KIF20A: variants seen among roughly 807,000 people sequenced by gnomAD.
KIF20A encodes kinesin-like protein KIF20A.
A neutral mutation model predicts 113.0 loss-of-function variants in KIF20A; 66 were observed. The observed-to-expected ratio is 0.58, with a 90% CI of 0.48 to 0.72. The LOEUF is 0.72. Among genes scored for constraint, KIF20A ranks in the 30% least tolerant of loss-of-function variants. KIF20A has a pLI of 0.00. For missense variants in KIF20A, 927 were observed against 1,077.6 expected (o/e 0.86, Z 1.96); for synonymous variants, 376 against 402.3 (o/e 0.93, Z 0.78).
At position 138,182,884 on chromosome 5, in the gene KIF20A, G is replaced by C. The variant is rs768806257; in HGVS notation, c.726G>C (p.Lys242Asn). 9.9e-6 allele frequency: 16 copies of C among 1,614,110 alleles called. No individual in the cohort carries two copies. Among genetic ancestry groups the C allele is most frequent in the Admixed American group, 3.3e-5 (2 of 60,010 alleles). Residue 242 changes from lysine to asparagine, a missense_variant, in exon 7 of 19, where the codon AAG becomes AAC. Lys to Asn is a moderately conservative substitution (Grantham distance 94, BLOSUM62 0). Transcript: ENST00000394894. ...LQEEELSTSL[K>N]RSVYIESRIG... ...AGGAGGAGCTGTCCACTTCCTTGAA[G>C]AGGAGTGTCTACATCGAAAGTCGGA...
chr5:138,185,591 G>A lies in KIF20A; in HGVS notation c.2006G>A (p.Gly669Glu). 6.2e-7 allele frequency: 1 copy of A among 1,614,162 alleles called. No homozygotes were observed. Among genetic ancestry groups the A allele is most frequent in the Non-Finnish European group, 8.5e-7 (1 of 1,180,034 alleles). ...CAGTCAGTGGCCCATCAGCAATCAG[G>A]GTCTGAATTGGCCCTACGGCGGTCA... is the stretch of plus-strand genomic sequence containing the variant. ...RQQSVAHQQS[G>E]SELALRRSQR... Residue 669 changes from glycine to glutamate, a missense_variant, in exon 16 of 19, where the codon GGG (glycine) becomes GAG (glutamate). Physicochemically the swap from Gly to Glu is moderately conservative, Grantham distance 98. Transcript: ENST00000394894.
intron 17 of KIF20A, 114 bp from the exon 18 acceptor site, chr5:138,186,180 C>T (rs1754742113): frequency 1.3e-6 from 2 of 1,496,564 alleles, no homozygotes; most frequent in East Asian, 4.5e-5. Context: ...GGCTATTTCA[C>T]TCAGCTGACT....
At position 138,185,189 on chromosome 5, in the gene KIF20A, G is replaced by A. The variant is rs1443441048; in HGVS notation, c.1918G>A (p.Glu640Lys). ...KESLTSFYQE[E>K]IQERDEKIEE... ...GTCACTGACAAGTTTTTACCAAGAA[G>A]AGATTCAGGTGAGTTGCCCTGAGCC... is the stretch of plus-strand genomic sequence containing the variant. Residue 640 changes from glutamate to lysine, a missense_variant, in exon 15 of 19, where the codon GAG becomes AAG. Transcript: ENST00000394894. 1.2e-6 allele frequency: 2 copies of A among 1,611,016 alleles called. No homozygotes were observed. Among genetic ancestry groups the A allele is most frequent in the African/African-American group, 1.3e-5 (1 of 74,858 alleles).
intron 14 of KIF20A, 52 bp downstream of exon 14, chr5:138,184,998 A>G: frequency 6.2e-7 from 1 of 1,606,926 alleles, no homozygotes; most frequent in Non-Finnish European, 8.5e-7. Flanking sequence ...GAGGGTGGGA[A>G]GTAAGGAGTT....
Position 138,184,662 on chromosome 5 carries a change from A to G in KIF20A, c.1669A>G (p.Met557Val). The G allele has an allele frequency of 6.2e-7, 1 of 1,614,122 alleles. No homozygotes were observed. ...TATTGAAAATGAAGCTGACATCTCC[A>G]TGTATGGCAAAGAGGTGAGAATACA... ...DDIENEADIS[M>V]YGKEELLQVV... Residue 557 changes from methionine to valine, a missense_variant, in exon 13 of 19, where the codon ATG becomes GTG. Met to Val is a conservative substitution (Grantham distance 21). Coordinates refer to ENST00000394894, the MANE Select transcript of KIF20A (RefSeq NM_005733.3).
intron 6 of KIF20A, 22 bp from the exon 7 acceptor site, chr5:138,182,839 C>G (rs371722598): frequency 2.4e-5 from 39 of 1,613,964 alleles, no homozygotes; most frequent in Middle Eastern, 1.6e-4. Flanking sequence ...TTTGTGCTTA[C>G]CTTCTCCCTG....
chr5:138,183,596 A>G lies in KIF20A; in HGVS notation c.1139+15A>G. 1 of 1,611,924 alleles carries G rather than the reference A, an allele frequency of 6.2e-7. No homozygotes were observed. The highest frequency in any genetic ancestry group is 1.1e-5 in the South Asian group (1 of 91,056). Reference sequence around the variant, plus strand: ...TCCAGCCGCAGGTGAGTAGATTGTAAGAATAAACTCTTCACTGTGTTCCAG... The same window carrying G: ...TCCAGCCGCAGGTGAGTAGATTGTAGGAATAAACTCTTCACTGTGTTCCAG... On this transcript the variant is annotated intron_variant, in intron 9 of 18. Coordinates refer to ENST00000394894, the MANE Select transcript of KIF20A (RefSeq NM_005733.3). This position sits in a 1 kb window ranked among gnomAD's most constrained non-coding sequence, Gnocchi z 5.2.
chr5:138,184,379 C>G lies in KIF20A; in HGVS notation c.1493C>G (p.Ala498Gly). The G allele has an allele frequency of 1.2e-6, 2 of 1,614,204 alleles. No individual in the cohort carries two copies. The highest frequency in any genetic ancestry group is 1.7e-6 in the Non-Finnish European group (2 of 1,180,040). The change falls in exon 12 of 19, where the codon GCC (alanine) becomes GGC (glycine). Residue 498 changes from alanine to glycine, a missense_variant. Ala to Gly is a moderately conservative substitution (Grantham distance 60, BLOSUM62 0). Transcript: ENST00000394894. ...ASTYDETLHV[A>G]KFSAIASQLV... ...ACCTATGATGAAACTCTTCATGTGGCCAAGTTCTCAGCCATTGCTAGCCAG... is the reference window on the plus strand; with the variant it reads ...ACCTATGATGAAACTCTTCATGTGGGCAAGTTCTCAGCCATTGCTAGCCAG...
Position 138,182,624 on chromosome 5 carries a change from G to A in KIF20A, c.553G>A (p.Ala185Thr). 2 of 1,614,164 alleles carry A rather than the reference G, an allele frequency of 1.2e-6. No individual in the cohort carries two copies. The highest frequency in any genetic ancestry group is 1.7e-6 in the Non-Finnish European group (2 of 1,180,042). The change falls in exon 6 of 19, where the codon GCG (alanine) becomes ACG (threonine). Residue 185 changes from alanine to threonine, a missense_variant. Ala to Thr is a moderately conservative substitution (Grantham distance 58). Transcript: ENST00000394894. ...KDGGILPRSL[A>T]LIFNSLQGQL... ...TGGAGGGATTCTCCCCCGGTCCCTG[G>A]CGCTGATCTTCAATAGCCTCCAAGG...
In KIF20A at chr5:138,181,478, G is replaced by C. The variant is rs766950655; in HGVS notation, c.222G>C (p.Leu74Phe). ...AAGTATACTTGAGGGTTAGGCCCTT[G>C]TTACCTTCAGAGTTGGAACGACAGG... ...KVKVYLRVRPLLPSELERQED... is the reference protein window; with the variant it reads ...KVKVYLRVRPFLPSELERQED... The change falls in exon 3 of 19, where the codon TTG becomes TTC. Residue 74 changes from leucine to phenylalanine, a missense_variant. By Grantham distance (22) the Leu-to-Phe change is conservative (BLOSUM62 0). Transcript: ENST00000394894. The C allele has an allele frequency of 6.2e-7, 1 of 1,614,240 alleles. No individual in the cohort carries two copies. Among genetic ancestry groups the C allele is most frequent in the Non-Finnish European group, 8.5e-7 (1 of 1,180,040 alleles).
intron 2 of KIF20A, among the ~76,000 whole-genome samples, chr5:138,180,083 A>G (rs977734833): frequency 6.6e-6 from 1 of 152,232 alleles, no homozygotes; most frequent in African/African-American, 2.4e-5. Flanking sequence ...GCATTGCATT[A>G]ATGAAATAGC....
In KIF20A at chr5:138,183,114, A is replaced by G; in HGVS notation, c.833-55A>G. 1.9e-6 allele frequency: 3 copies of G among 1,603,662 alleles called. No homozygotes were observed. Among genetic ancestry groups the G allele is most frequent in the South Asian group, 2.2e-5 (2 of 89,588 alleles). ...CTGCCTTCCAAGGCCCCTGCAGGCC[A>G]AAAGAGAGGTGAACTGCTCTAGGTT... On this transcript the variant is annotated intron_variant, in intron 7 of 18. Coordinates refer to ENST00000394894, the MANE Select transcript of KIF20A (RefSeq NM_005733.3). This position sits in a 1 kb window ranked among gnomAD's most constrained non-coding sequence, Gnocchi z 5.2.
chr5:138,185,743 T>A (rs1754733459), intron 16 of KIF20A, 33 bp downstream of exon 16: 2 of 1,603,630 alleles, frequency 1.2e-6, no homozygotes, highest in Non-Finnish European at 1.7e-6. Flanking sequence ...AACATAACAG[T>A]GGTTCAGGGA....
Position 138,185,969 on chromosome 5 carries a change from A to G in KIF20A, c.2134A>G (p.Lys712Glu). 2 of 1,613,920 alleles carry G rather than the reference A, an allele frequency of 1.2e-6. No individual in the cohort carries two copies. Among genetic ancestry groups the G allele is most frequent in the Non-Finnish European group, 1.7e-6 (2 of 1,179,832 alleles). ...CTGTTTCCTTCCCTCAGAGTTGCAT[A>G]AGTATCAGAAAATGTTAGAACCACC... Reference protein sequence around the residue: ...ELNSTTEELHKYQKMLEPPPS... With the variant: ...ELNSTTEELHEYQKMLEPPPS... Residue 712 changes from lysine (K) to glutamate (E), a missense_variant, in exon 17 of 19, where the codon AAG becomes GAG. Transcript: ENST00000394894.
chr5:138,182,079 G>T (rs1186120203), intron 4 of KIF20A, among the ~76,000 whole-genome samples: 2 of 152,158 alleles, frequency 1.3e-5, no homozygotes, highest in Non-Finnish European at 1.5e-5. Context: ...TTGCCCCATT[G>T]TGTGTGCAGC....
intron 4 of KIF20A, 120 bp downstream of exon 4, chr5:138,181,848 T>C (rs1053601398): frequency 8.8e-7 from 1 of 1,134,338 alleles, no homozygotes. Flanking sequence ...ACCTACAATT[T>C]TGAGGGCCCT....
chr5:138,184,662 A>C lies in KIF20A; in HGVS notation c.1669A>C (p.Met557Leu). 1 of 1,614,122 alleles carries C rather than the reference A, an allele frequency of 6.2e-7. No individual in the cohort carries two copies. The highest frequency in any genetic ancestry group is 8.5e-7 in the Non-Finnish European group (1 of 1,179,984). The change falls in exon 13 of 19, where the codon ATG (methionine) becomes CTG (leucine). Residue 557 changes from methionine (M) to leucine (L), a missense_variant. By Grantham distance (15) the Met-to-Leu change is conservative. Coordinates refer to ENST00000394894, the MANE Select transcript of KIF20A (RefSeq NM_005733.3). ...DDIENEADIS[M>L]YGKEELLQVV... ...TATTGAAAATGAAGCTGACATCTCC[A>C]TGTATGGCAAAGAGGTGAGAATACA...
chr5:138,180,826 A>T (rs1174543790), intron 2 of KIF20A, among the ~76,000 whole-genome samples: 2 of 152,016 alleles, frequency 1.3e-5, no homozygotes, highest in Non-Finnish European at 2.9e-5. Flanking sequence ...ACAGGCACCT[A>T]CCACCAAGCC....
intron 1 of KIF20A, 108 bp downstream of exon 1, chr5:138,179,310 T>C: frequency 3.9e-6 from 1 of 255,476 alleles, no homozygotes; most frequent in Non-Finnish European, 7.7e-6. Context: ...ATGCTGCATC[T>C]CTGTTCTCAC....
Sources: gnomAD v4.1 joint callset for allele counts (sites outside exome capture counted in the v4.1 genomes callset) on GRCh38, gnomAD v4.1.1 for gene constraint, Gnocchi (gnomAD v3.1) non-coding constraint, MANE v1.5 for transcripts, NCBI Gene and HGNC (gene_info 2026-07-23, HGNC 2026-07-21) for gene names.